RMDN2: variants seen among roughly 807,000 people sequenced by gnomAD.
RMDN2 encodes regulator of microtubule dynamics protein 2.
Under a neutral mutation model 52.8 loss-of-function variants are expected in RMDN2, and 61 were observed. That is an observed-to-expected ratio of 1.16 (90% CI 0.94 to 1.43). RMDN2 has a LOEUF of 1.43. Ranked by LOEUF, RMDN2 falls within the 40% of genes most tolerant of loss-of-function variation. RMDN2 has a pLI of 0.00. For missense variants in RMDN2, 592 were observed against 475.3 expected (o/e 1.25, Z -2.28); for synonymous variants, 180 against 153.1 (o/e 1.18, Z -1.30).
rs149037833 is a variant in RMDN2 at position 37,968,379 on chromosome 2, C to T, written c.453-5661C>T. Among the ~76,000 whole-genome samples the T allele has an allele frequency of 2.1e-4, 30 of 140,534 alleles. No individual in the cohort carries two copies. In the East Asian group the frequency reaches 6.2e-3, roughly 29 times the overall value. 92.2% of individuals were successfully genotyped at this position (140,534 alleles called of 152,430 possible). A position where few individuals can be genotyped will look rare whatever the true frequency, so the allele number is the denominator to read the frequency against. On this transcript the variant is annotated intron_variant, in intron 2 of 10. Coordinates refer to ENST00000354545, the MANE Select transcript of RMDN2 (RefSeq NM_001170791.3). ...CACTTGAACCCGGAGGCGTAGGCAGCAGTGAGCCGTGATCACACCACTGCC... is the reference window on the plus strand; with the variant it reads ...CACTTGAACCCGGAGGCGTAGGCAGTAGTGAGCCGTGATCACACCACTGCC...
intron 10 of RMDN2, among the ~76,000 whole-genome samples, chr2:38,054,635 T>A (rs1470871717): frequency 1.3e-5 from 2 of 152,234 alleles, no homozygotes; most frequent in Non-Finnish European, 2.9e-5. Context: ...GCTTTGTTGC[T>A]CCAGGGTTCA....
chr2:37,980,764 A>G (rs1463718371), intron 4 of RMDN2, among the ~76,000 whole-genome samples: 4 of 148,176 alleles, frequency 2.7e-5, no homozygotes, highest in African/African-American at 9.9e-5. Flanking sequence ...AGAGTTACCC[A>G]CTCTGCTGTG....
At position 37,969,789 on chromosome 2, in the gene RMDN2, T is replaced by G. The variant is rs1671550163; in HGVS notation, c.453-4251T>G. ...TAATGTTTCATAATTAAGTGTGAAA[T>G]GTATTATTGTATTTAGCATATAGCC... On this transcript the variant is annotated intron_variant, in intron 2 of 10. Transcript: ENST00000354545. Among the ~76,000 whole-genome samples the G allele has an allele frequency of 3.1e-5, 4 of 128,834 alleles. No individual in the cohort carries two copies. The South Asian group carries it at 1.2e-3, about 38-fold the overall frequency. 84.5% of individuals were successfully genotyped at this position (128,834 alleles called of 152,430 possible). A position where few individuals can be genotyped will look rare whatever the true frequency, so the allele number is the denominator to read the frequency against.
chr2:37,942,781 T>G (rs958989151), intron 2 of RMDN2, among the ~76,000 whole-genome samples: 1 of 152,180 alleles, frequency 6.6e-6, no homozygotes, highest in Non-Finnish European at 1.5e-5. Flanking sequence ...TCAGTGTGAG[T>G]GTCTACTCTG....
intron 2 of RMDN2, among the ~76,000 whole-genome samples, chr2:37,943,822 T>C (rs928738540): frequency 2.6e-5 from 4 of 152,236 alleles, no homozygotes; most frequent in Middle Eastern, 3.4e-3. Flanking sequence ...ATGTGTTAAT[T>C]GAGGCTTTTT....
chr2:37,999,538 C>G (rs1676032127), intron 8 of RMDN2, among the ~76,000 whole-genome samples: 1 of 152,126 alleles, frequency 6.6e-6, no homozygotes, highest in Non-Finnish European at 1.5e-5. Flanking sequence ...AGAGAGGAGG[C>G]ATCAGGAATG....
intron 10 of RMDN2, among the ~76,000 whole-genome samples, chr2:38,046,517 A>C (rs563549483): frequency 1.3e-5 from 2 of 152,320 alleles, no homozygotes; most frequent in East Asian, 3.9e-4. Flanking sequence ...GGCTCAAAGA[A>C]TTTAAAAAAA....
At chr2:38,065,375 T>TAA (rs1272312532) in intron 10 of RMDN2, among the ~76,000 whole-genome samples, 1 of 150,502 alleles carries the variant, frequency 6.6e-6, no homozygotes, top group Non-Finnish European at 1.5e-5. Context: ...GGAATAAATT[T>TAA]TAAAAAAAAA....
intron 10 of RMDN2, among the ~76,000 whole-genome samples, chr2:38,006,512 T>C (rs1573051125): frequency 6.6e-6 from 1 of 152,174 alleles, no homozygotes; most frequent in Non-Finnish European, 1.5e-5. Flanking sequence ...GTTTGTCTGT[T>C]ATTGGTGTAT....
chr2:37,934,862 ACT>A lies in RMDN2; in HGVS notation c.452+5136_452+5137del, dbSNP rs558567682. ...CATATTTGACTTACGTTGCTCTATC[ACT>A]CTATGGGTCTAAAACTATTATTTGA... On this transcript the variant is annotated intron_variant, in intron 2 of 10. Coordinates refer to ENST00000354545, the MANE Select transcript of RMDN2 (RefSeq NM_001170791.3). 3.2e-3 allele frequency among the ~76,000 whole-genome samples: 480 copies of A among 151,930 alleles called. 2 individuals carry two copies. Among genetic ancestry groups the A allele is most frequent in the African/African-American group, 0.011 (463 of 41,334 alleles).
At chr2:38,004,816 G>T (rs570937194) in intron 10 of RMDN2, among the ~76,000 whole-genome samples, 9 of 151,402 alleles carry the variant, frequency 5.9e-5, no homozygotes, top group African/African-American at 1.9e-4. Context: ...TTAACATTAG[G>T]TATATATATC....
At chr2:37,969,976 A>G (rs574745069) in intron 2 of RMDN2, among the ~76,000 whole-genome samples, 1 of 150,654 alleles carries the variant, frequency 6.6e-6, no homozygotes, top group East Asian at 2.0e-4. Flanking sequence ...TCTGTCTCCC[A>G]GGCTGGAGTG....
chr2:37,963,772 C>G (rs1670614281), intron 2 of RMDN2, among the ~76,000 whole-genome samples: 1 of 152,222 alleles, frequency 6.6e-6, no homozygotes, highest in South Asian at 2.1e-4. Flanking sequence ...ACATTTCCCC[C>G]CTTTCTATTC....
intron 2 of RMDN2, among the ~76,000 whole-genome samples, chr2:37,938,248 CTTGA>C (rs1558442916): frequency 6.6e-6 from 1 of 152,160 alleles, no homozygotes; most frequent in Non-Finnish European, 1.5e-5. Flanking sequence ...ATGAAGGCAA[CTTGA>C]TCATGGTGGA....
At chr2:37,967,225 C>G (rs1335532369) in intron 2 of RMDN2, among the ~76,000 whole-genome samples, 1 of 152,170 alleles carries the variant, frequency 6.6e-6, no homozygotes, top group African/African-American at 2.4e-5. Context: ...TCTGTTGGTT[C>G]TGTTTATACT....
rs1167499363 is a variant in RMDN2, at chr2:37,925,380, T to C, written c.-62T>C. On this transcript the variant is annotated 5_prime_UTR_variant, in exon 1 of 11. Coordinates refer to ENST00000354545, the MANE Select transcript of RMDN2 (RefSeq NM_001170791.3). ...TCCGCCACTGCGCGCCAGCAGGTCCTGGTCTCCGCTCTCCAACAGCTGAAA... is the reference window on the plus strand; with the variant it reads ...TCCGCCACTGCGCGCCAGCAGGTCCCGGTCTCCGCTCTCCAACAGCTGAAA... The C allele has an allele frequency of 1.3e-5, 2 of 152,404 alleles. No individual in the cohort carries two copies. The highest frequency in any genetic ancestry group is 2.9e-5 in the Non-Finnish European group (2 of 68,198). 9.4% of individuals were successfully genotyped at this position (152,404 alleles called of 1,614,324 possible).
chr2:38,016,255 C>T (rs1263201526), intron 10 of RMDN2, among the ~76,000 whole-genome samples: 1 of 152,164 alleles, frequency 6.6e-6, no homozygotes, highest in Admixed American at 6.5e-5. Flanking sequence ...CCTGTTATGT[C>T]CTCAGTAGCA....
At chr2:38,007,955 C>G (rs893489440) in intron 10 of RMDN2, among the ~76,000 whole-genome samples, 1 of 152,144 alleles carries the variant, frequency 6.6e-6, no homozygotes, top group African/African-American at 2.4e-5. Flanking sequence ...GCCTTCATTT[C>G]TTTATGTACC....
intron 2 of RMDN2, among the ~76,000 whole-genome samples, chr2:37,934,751 C>T (rs1019622997): frequency 3.9e-5 from 6 of 152,076 alleles, no homozygotes; most frequent in Non-Finnish European, 7.4e-5. Context: ...CACTAGTTCA[C>T]ATTGATGTTT....
Sources: allele counts gnomAD v4.1 joint callset (sites outside exome capture counted in the v4.1 genomes callset), GRCh38; gene constraint gnomAD v4.1.1; transcripts MANE v1.5; gene names NCBI Gene and HGNC (gene_info 2026-07-23, HGNC 2026-07-21).